Variants in EXOC4 observed in about 807,000 individuals in gnomAD.
EXOC4 encodes SEC8-like 1.
A neutral mutation model predicts 107.2 loss-of-function variants in EXOC4; 71 were observed. That is an observed-to-expected ratio of 0.66 (90% confidence interval 0.55 to 0.81). The LOEUF (loss-of-function observed/expected upper bound fraction) is 0.81, where lower values mean the gene tolerates loss of function less well. EXOC4 is among the 30% of genes least tolerant of loss of function. The pLI, the probability that EXOC4 is intolerant of heterozygous loss-of-function variation, is 0.00. For missense variants in EXOC4, 1,108 were observed against 1,189.6 expected (o/e 0.93, Z 1.01); for synonymous variants, 456 against 441.2 (o/e 1.03, Z -0.42).
chr7:133,661,237 C>A (rs770440232), intron 10 of EXOC4, among the ~76,000 whole-genome samples: 2 of 152,136 alleles, frequency 1.3e-5, no homozygotes, highest in East Asian at 3.9e-4. Flanking sequence ...TGTATATGTG[C>A]CGAGGCTCTG....
intron 9 of EXOC4, among the ~76,000 whole-genome samples, chr7:133,580,434 C>T (rs988243935): frequency 6.6e-5 from 10 of 152,258 alleles, no homozygotes; most frequent in African/African-American, 1.7e-4. Context: ...GTTTTCCATA[C>T]GACTACAGCA....
At chr7:133,713,623 C>T (rs1794940693) in intron 10 of EXOC4, among the ~76,000 whole-genome samples, 1 of 152,170 alleles carries the variant, frequency 6.6e-6, no homozygotes, top group Non-Finnish European at 1.5e-5. Context: ...CTCATAATCA[C>T]CATGTGTCAA....
intron 17 of EXOC4, among the ~76,000 whole-genome samples, chr7:134,055,483 C>T (rs6971048): frequency 0.18 from 26,921 of 152,122 alleles, 2,765 homozygotes; most frequent in African/African-American, 0.28. Context: ...ATGCTCATCA[C>T]GCTTTCGTTG....
At chr7:133,775,915 G>A (rs1008848201) in intron 10 of EXOC4, among the ~76,000 whole-genome samples, 2 of 152,144 alleles carry the variant, frequency 1.3e-5, no homozygotes, top group African/African-American at 4.8e-5. Flanking sequence ...GATTAGGCTC[G>A]ATGCTAGAAG....
intron 14 of EXOC4, among the ~76,000 whole-genome samples, chr7:133,986,642 G>T (rs1334662785): frequency 6.6e-6 from 1 of 152,182 alleles, no homozygotes; most frequent in African/African-American, 2.4e-5. Flanking sequence ...CCAAAAACCG[G>T]TAGGCTTCAT....
chr7:133,779,455 TCTTA>T (rs1353958930), intron 10 of EXOC4, among the ~76,000 whole-genome samples: 8 of 152,222 alleles, frequency 5.3e-5, no homozygotes, highest in African/African-American at 1.9e-4. Flanking sequence ...TTGAAACTTT[TCTTA>T]CTTCAAGTAG....
chr7:133,633,174 C>T (rs573871213), intron 10 of EXOC4, among the ~76,000 whole-genome samples: 9 of 152,128 alleles, frequency 5.9e-5, no homozygotes, highest in African/African-American at 1.2e-4. Flanking sequence ...CACATATTGG[C>T]GAGGACATGG....
Position 134,001,527 on chromosome 7 carries a change from G to A in EXOC4, c.2349-3385G>A, listed in dbSNP as rs1794531449. Among the ~76,000 whole-genome samples the A allele has an allele frequency of 2.6e-5, 4 of 151,776 alleles. No homozygotes were observed. The South Asian group carries it at 8.3e-4, about 32-fold the overall frequency. On this transcript the variant is annotated intron_variant, in intron 15 of 17. Transcript: ENST00000253861. ...GAAGAAGATAATACCTTAAAGAAAGGTTATATGTCTTCTCCCCCAGTAGCT... is the reference window on the plus strand; with the variant it reads ...GAAGAAGATAATACCTTAAAGAAAGATTATATGTCTTCTCCCCCAGTAGCT...
In EXOC4 at chr7:133,480,294, T is replaced by TG. The variant is rs1799123269; in HGVS notation, c.1417+157dup. The TG allele has an allele frequency of 3.4e-6, 5 of 1,462,616 alleles. No homozygotes were observed. The South Asian group carries it at 6.9e-5, about 20-fold the overall frequency. 90.6% of individuals were successfully genotyped at this position (1,462,616 alleles called of 1,614,324 possible). The stretch of plus-strand genomic sequence containing the variant: ...TCTTCTGTAATTTCCCAGCATCTGC[T>TG]GCCAAGCAGGTAAAACTATTACTGT... On this transcript the variant is annotated intron_variant, in intron 9 of 17. Transcript: ENST00000253861.
intron 9 of EXOC4, among the ~76,000 whole-genome samples, chr7:133,603,739 G>A (rs182930499): frequency 1.3e-5 from 2 of 152,296 alleles, no homozygotes; most frequent in African/African-American, 2.4e-5. Flanking sequence ...GGAAGTTCTC[G>A]AGTGAGTGAT....
At chr7:134,046,041 G>A (rs892967436) in intron 17 of EXOC4, among the ~76,000 whole-genome samples, 1 of 152,084 alleles carries the variant, frequency 6.6e-6, no homozygotes, top group Non-Finnish European at 1.5e-5. Flanking sequence ...TTTTCTGTAG[G>A]GGTGGGGAGA....
chr7:134,009,124 T>A (rs1794711234), intron 17 of EXOC4, among the ~76,000 whole-genome samples: 1 of 152,226 alleles, frequency 6.6e-6, no homozygotes, highest in Admixed American at 6.5e-5. Flanking sequence ...TATTGCCGTT[T>A]ATACCTGAGT....
chr7:133,340,297 T>C (rs1795628733), intron 5 of EXOC4, among the ~76,000 whole-genome samples: 2 of 152,212 alleles, frequency 1.3e-5, no homozygotes, highest in Admixed American at 1.3e-4. Flanking sequence ...ATTCTGTTCA[T>C]GTGGTGTATC....
intron 10 of EXOC4, chr7:133,768,416 G>A (rs1334681884): frequency 1.3e-5 from 2 of 151,942 alleles, no homozygotes; most frequent in East Asian, 3.9e-4. Flanking sequence ...CAATCAGGCT[G>A]CTGTCCAGGA....
At chr7:133,322,962 ATTC>A (rs1448024293) in intron 5 of EXOC4, among the ~76,000 whole-genome samples, 16 of 152,194 alleles carry the variant, frequency 1.1e-4, no homozygotes, top group Admixed American at 3.9e-4. Context: ...TAAGTATTTT[ATTC>A]TCTTTGTAGC....
At chr7:133,518,101 C>T (rs1016086929) in intron 9 of EXOC4, among the ~76,000 whole-genome samples, 1 of 151,948 alleles carries the variant, frequency 6.6e-6, no homozygotes, top group African/African-American at 2.4e-5. Context: ...GGCTTATTCA[C>T]ATGGGAGCAA....
intron 11 of EXOC4, among the ~76,000 whole-genome samples, chr7:133,867,295 T>C (rs752517926): frequency 1.3e-5 from 2 of 152,250 alleles, no homozygotes; most frequent in Non-Finnish European, 2.9e-5. Context: ...AAGGATTAAA[T>C]AAATTAGTAT....
At chr7:133,315,820 A>G (rs1407707149) in intron 4 of EXOC4, among the ~76,000 whole-genome samples, 1 of 152,190 alleles carries the variant, frequency 6.6e-6, no homozygotes, top group African/African-American at 2.4e-5. Flanking sequence ...GATTTTAACA[A>G]TTGGAAATAT....
Position 133,604,437 on chromosome 7 carries a change from T to C in EXOC4, c.1418-25608T>C, listed in dbSNP as rs78329426. ...CAGCCTCACTACAATATGTAAGTAT[T>C]GCATTGCATTGTGAGATGTTAGAAC... is the stretch of plus-strand genomic sequence containing the variant. On this transcript the variant is annotated intron_variant, in intron 9 of 17. Coordinates refer to ENST00000253861, the MANE Select transcript of EXOC4 (RefSeq NM_021807.4). 2.9e-3 allele frequency among the ~76,000 whole-genome samples: 440 copies of C among 152,302 alleles called. 1 individual carries two copies. The highest frequency in any genetic ancestry group is 0.018 in the South Asian group (85 of 4,822).
Sources: gnomAD v4.1 joint callset for allele counts (sites outside exome capture counted in the v4.1 genomes callset) on GRCh38, gnomAD v4.1.1 for gene constraint, MANE v1.5 for transcripts, NCBI Gene and HGNC (gene_info 2026-07-23, HGNC 2026-07-21) for gene names.